The following FRMD4B variants were observed in gnomAD, a reference collection of about 807,000 sequenced individuals.
FRMD4B encodes FERM domain-containing protein 4B.
In FRMD4B, 74 loss-of-function variants were observed where a neutral mutation model predicts 141.5. That is an observed-to-expected ratio of 0.52 (90% CI 0.43 to 0.63). The LOEUF is 0.63. Among genes scored for constraint, FRMD4B ranks in the 30% least tolerant of loss-of-function variants. FRMD4B has a pLI of 0.00. For synonymous variants in FRMD4B, 506 were observed against 467.9 expected (o/e 1.08, Z -1.05); for missense variants, 1,366 against 1,253.4 (o/e 1.09, Z -1.36).
intron 1 of FRMD4B, chr3:69,376,675 A>G (rs1029759260): frequency 6.6e-6 from 1 of 151,826 alleles, no homozygotes; most frequent in African/African-American, 2.4e-5. Context: ...GCCAGGATGT[A>G]TATCTGTTAT....
chr3:69,476,186 G>A (rs1575815971), intron 1 of FRMD4B, among the ~76,000 whole-genome samples: 1 of 151,358 alleles, frequency 6.6e-6, no homozygotes, highest in Non-Finnish European at 1.5e-5. Context: ...TTCTTTTGCT[G>A]TGCAGAAGCT....
chr3:69,222,658 C>T (rs1394184766), intron 8 of FRMD4B, among the ~76,000 whole-genome samples: 1 of 152,062 alleles, frequency 6.6e-6, no homozygotes, highest in African/African-American at 2.4e-5. Flanking sequence ...GTAATCCCAG[C>T]TACTTAGGAG....
intron 2 of FRMD4B, among the ~76,000 whole-genome samples, chr3:69,423,625 C>A (rs1705021745): frequency 6.6e-6 from 1 of 152,094 alleles, no homozygotes; most frequent in Non-Finnish European, 1.5e-5. Flanking sequence ...TCACCCGTGT[C>A]AGAATGATAG....
intron 11 of FRMD4B, among the ~76,000 whole-genome samples, chr3:69,213,196 C>T (rs2093103729): frequency 6.6e-6 from 1 of 151,966 alleles, no homozygotes; most frequent in Non-Finnish European, 1.5e-5. Context: ...TTTGTAAATG[C>T]TTAGAATATA....
chr3:69,541,796 C>G lies in FRMD4B; in HGVS notation c.-129+410G>C, dbSNP rs77035863. Among the ~76,000 whole-genome samples the G allele has an allele frequency of 9.2e-5, 14 of 151,546 alleles. No individual in the cohort carries two copies. In the South Asian group the frequency reaches 1.3e-3, roughly 14 times the overall value. On this transcript the variant is annotated intron_variant, in intron 1 of 5. Coordinates refer to the FRMD4B transcript ENST00000459638. ...CTGCTAACTCCAGGGATTTCCCCCC[C>G]CTCTTTTCGCTGCCTTTTAGAAGTA...
chr3:69,239,126 G>T (rs996972497), intron 7 of FRMD4B, among the ~76,000 whole-genome samples: 2 of 152,142 alleles, frequency 1.3e-5, no homozygotes, highest in African/African-American at 2.4e-5. Flanking sequence ...AGCAGTTTGG[G>T]GCTTGGTTTG....
intron 1 of FRMD4B, among the ~76,000 whole-genome samples, chr3:69,343,893 T>G (rs547380717): frequency 6.6e-6 from 1 of 152,244 alleles, no homozygotes; most frequent in African/African-American, 2.4e-5. Context: ...CTTAACAGTT[T>G]CTATACTCCC....
chr3:69,223,566 C>T (rs185580110), intron 8 of FRMD4B, among the ~76,000 whole-genome samples: 5 of 152,030 alleles, frequency 3.3e-5, no homozygotes, highest in Admixed American at 6.6e-5. Flanking sequence ...TGGTCGGGCC[C>T]GGTGGCTCAC....
rs750111736 is a variant in FRMD4B, at chr3:69,181,590, G to C, written c.2160C>G (p.Ser720Arg). The C allele has an allele frequency of 6.2e-7, 1 of 1,613,816 alleles. No individual in the cohort carries two copies. Among genetic ancestry groups the C allele is most frequent in the East Asian group, 2.2e-5 (1 of 44,868 alleles). ...CGTCATCGAGGATTTCTGTGCTGCT[G>C]CTTCTTTGGGATTTGGAGAGGGAGA... The part of the protein sequence containing the change: ...PFFSLSKSQR[S>R]SSTEILDDGS... Residue 720 changes from serine to arginine, a missense_variant, in exon 21 of 23, where the codon AGC (serine) becomes AGG (arginine). Ser to Arg is a moderately radical substitution (Grantham distance 110). Transcript: ENST00000398540.
At chr3:69,411,338 C>T (rs531989966) in intron 2 of FRMD4B, among the ~76,000 whole-genome samples, 1 of 152,228 alleles carries the variant, frequency 6.6e-6, no homozygotes, top group Non-Finnish European at 1.5e-5. Context: ...AGAGTATTTA[C>T]AAATATGACT....
At chr3:69,182,789 G>C in intron 19 of FRMD4B, 72 bp from the exon 20 acceptor site, 1 of 1,447,650 alleles carries the variant, frequency 6.9e-7, no homozygotes, top group Non-Finnish European at 9.5e-7. Context: ...GTCATAAGCA[G>C]ATACAAAACT....
intron 1 of FRMD4B, among the ~76,000 whole-genome samples, chr3:69,373,960 T>G (rs1703901053): frequency 2.0e-5 from 3 of 152,160 alleles, no homozygotes; most frequent in Admixed American, 2.0e-4. Flanking sequence ...TTTTGTCCCC[T>G]CACCAACCCT....
intron 2 of FRMD4B, among the ~76,000 whole-genome samples, chr3:69,396,840 C>T (rs1233522284): frequency 1.3e-5 from 2 of 152,076 alleles, no homozygotes; most frequent in Admixed American, 1.3e-4. Context: ...ATGTGCCCCA[C>T]AAAAGTGAAA....
intron 1 of FRMD4B, among the ~76,000 whole-genome samples, chr3:69,506,154 T>C (rs1259883886): frequency 6.6e-6 from 1 of 152,104 alleles, no homozygotes; most frequent in Non-Finnish European, 1.5e-5. Context: ...ACAAAGACCA[T>C]CCACTGCAAC....
chr3:69,387,580 A>C (rs953132523), upstream of FRMD4B, among the ~76,000 whole-genome samples: 1 of 152,182 alleles, frequency 6.6e-6, no homozygotes, highest in African/African-American at 2.4e-5. Context: ...CACCAAAAGG[A>C]AAGGTAAGGC....
chr3:69,247,000 C>A (rs1328886021), intron 7 of FRMD4B, among the ~76,000 whole-genome samples: 1 of 152,178 alleles, frequency 6.6e-6, no homozygotes, highest in African/African-American at 2.4e-5. Flanking sequence ...CTATTCTCCA[C>A]CTCCCCCATA....
chr3:69,285,437 A>G, intron 5 of FRMD4B, among the ~76,000 whole-genome samples: 1 of 152,236 alleles, frequency 6.6e-6, no homozygotes, highest in East Asian at 1.9e-4. Context: ...AACGGCTAAA[A>G]TGTTTCCGAA....
intron 1 of FRMD4B, among the ~76,000 whole-genome samples, chr3:69,330,049 A>C (rs1257266229): frequency 6.6e-6 from 1 of 152,108 alleles, no homozygotes; most frequent in Non-Finnish European, 1.5e-5. Flanking sequence ...TTGCCTTTCC[A>C]GCTCTTTTGC....
intron 19 of FRMD4B, among the ~76,000 whole-genome samples, chr3:69,185,404 C>T (rs2092755485): frequency 6.6e-6 from 1 of 151,122 alleles, no homozygotes; most frequent in Non-Finnish European, 1.5e-5. Context: ...TAATAATCTA[C>T]CTTGATTTTG....
Sources: gnomAD v4.1 joint callset for allele counts (sites outside exome capture counted in the v4.1 genomes callset) on GRCh38, gnomAD v4.1.1 for gene constraint, MANE v1.5 for transcripts, NCBI Gene and HGNC (gene_info 2026-07-23, HGNC 2026-07-21) for gene names.